The following ELMO1 variants were observed in gnomAD, a reference collection of about 807,000 sequenced individuals.
ELMO1 encodes engulfment and cell motility protein 1.
ELMO1 carries 26 observed loss-of-function variants against 98.9 expected under a neutral mutation model. That is an observed-to-expected ratio of 0.26 (90% CI 0.19 to 0.36). The LOEUF (loss-of-function observed/expected upper bound fraction) is 0.36. Among genes scored for constraint, ELMO1 ranks in the 10% least tolerant of loss-of-function variants. ELMO1 has a pLI of 1.00. For synonymous variants in ELMO1, 346 were observed against 346.0 expected, an observed-to-expected ratio of 1.00 and a Z score of 0.00; for missense variants, 627 against 935.2, an observed-to-expected ratio of 0.67 and a Z score of 4.30.
At chr7:36,982,872 AC>A (rs1193232891) in intron 16 of ELMO1, among the ~76,000 whole-genome samples, 13 of 152,128 alleles carry the variant, frequency 8.5e-5, no homozygotes, top group African/African-American at 3.1e-4. Context: ...GGATTCACAC[AC>A]CCATCCAGCT....
intron 10 of ELMO1, 98 bp downstream of exon 10, chr7:37,222,517 A>T: frequency 8.5e-7 from 1 of 1,172,066 alleles, no homozygotes; most frequent in Non-Finnish European, 1.3e-6. Context: ...AGGATAGCAG[A>T]GAGGCCCAAT....
chr7:36,898,714 T>C (rs1035970425), intron 16 of ELMO1, among the ~76,000 whole-genome samples: 8 of 152,238 alleles, frequency 5.3e-5, no homozygotes, highest in Non-Finnish European at 5.9e-5. Context: ...TCTCCCATCC[T>C]GCCTTTAACC....
At chr7:37,224,391 A>G (rs537902949) in intron 9 of ELMO1, among the ~76,000 whole-genome samples, 1 of 152,364 alleles carries the variant, frequency 6.6e-6, no homozygotes, top group East Asian at 1.9e-4. Context: ...ATTATAAAAT[A>G]CAAAAGAAGA....
intron 2 of ELMO1, among the ~76,000 whole-genome samples, chr7:37,338,831 T>C (rs1317910230): frequency 6.6e-6 from 1 of 152,176 alleles, no homozygotes; most frequent in Non-Finnish European, 1.5e-5. Flanking sequence ...GATAATTCTT[T>C]TGAGACCTTC....
rs755241179 is a variant in ELMO1, at chr7:36,894,884, T to C, written c.1571A>G (p.Asn524Ser). 12 of 1,614,052 alleles carry C rather than the reference T, an allele frequency of 7.4e-6. No homozygotes were observed. In the South Asian group the frequency reaches 1.3e-4, roughly 18 times the overall value. ...ILKIRQSERM[N>S]QEDFQSRPIL... ...CGGGCGGGACTGGAAATCTTCCTGG[T>C]TCATCCTCTCGGACTGGCGGATTTT... The change falls in exon 17 of 22, where the codon AAC (asparagine) becomes AGC (serine). Residue 524 changes from asparagine (N) to serine (S), a missense_variant. Asn to Ser is a conservative substitution (Grantham distance 46). Around this residue, in one of 3 missense-constraint regions of ELMO1, gnomAD observed 492 missense variants for 715.6 expected, o/e 0.69. Transcript: ENST00000310758.
At chr7:36,959,186 T>C (rs1788726093) in intron 16 of ELMO1, among the ~76,000 whole-genome samples, 1 of 152,078 alleles carries the variant, frequency 6.6e-6, no homozygotes, top group Admixed American at 6.6e-5. Context: ...GCCCACTCCT[T>C]GTCATCTCTA....
chr7:37,424,876 T>C (rs1460003270), intron 1 of ELMO1, among the ~76,000 whole-genome samples: 1 of 151,070 alleles, frequency 6.6e-6, no homozygotes, highest in African/African-American at 2.4e-5. Context: ...TTTTTAATAA[T>C]AATAATAATA....
At chr7:37,150,831 T>C (rs1788307634) in intron 13 of ELMO1, among the ~76,000 whole-genome samples, 1 of 152,246 alleles carries the variant, frequency 6.6e-6, no homozygotes, top group Non-Finnish European at 1.5e-5. Context: ...TAAATAAAGA[T>C]GCATCGATTT....
intron 15 of ELMO1, among the ~76,000 whole-genome samples, chr7:37,044,183 G>A (rs1455641519): frequency 6.6e-6 from 1 of 152,120 alleles, no homozygotes; most frequent in Non-Finnish European, 1.5e-5. Flanking sequence ...GGGATGGATT[G>A]ACAACTCTGT....
In ELMO1 at chr7:36,974,782, A is replaced by T. The variant is rs570040666; in HGVS notation, c.1437+38517T>A. Among the ~76,000 whole-genome samples, 4 of 152,154 alleles carry T rather than the reference A, an allele frequency of 2.6e-5. No homozygotes were observed. In the East Asian group the frequency reaches 7.7e-4, roughly 29 times the overall value. On this transcript the variant is annotated intron_variant, in intron 16 of 21. Coordinates refer to ENST00000310758, the MANE Select transcript of ELMO1 (RefSeq NM_014800.11). The stretch of plus-strand genomic sequence containing the variant: ...GCTACTGCTCACTCTTTAGGTCCAC[A>T]CTGCTTTTATGAGCTGTAACACTCA...
chr7:36,856,218 T>C (rs1488100207), intron 21 of ELMO1, among the ~76,000 whole-genome samples: 3 of 152,188 alleles, frequency 2.0e-5, no homozygotes, highest in South Asian at 2.1e-4. Context: ...TAGTAGCTCA[T>C]CTCGGCCTGT....
At chr7:37,414,879 T>C (rs2131509737) in intron 1 of ELMO1, among the ~76,000 whole-genome samples, 1 of 152,324 alleles carries the variant, frequency 6.6e-6, no homozygotes, top group African/African-American at 2.4e-5. Context: ...GGCAGGAACA[T>C]TGCAAAAACA....
chr7:37,240,723 C>T lies in ELMO1; in HGVS notation c.449+3633G>A, dbSNP rs933254495. On this transcript the variant is annotated intron_variant, in intron 7 of 21. Coordinates refer to ENST00000310758, the MANE Select transcript of ELMO1 (RefSeq NM_014800.11). The stretch of plus-strand genomic sequence containing the variant: ...TTTCATAATTTCAACTGAGTTATTC[C>T]TTGACTCTTTGATAGTATGAAAGAG... Among the ~76,000 whole-genome samples, 6 of 152,248 alleles carry T rather than the reference C, an allele frequency of 3.9e-5. No individual in the cohort carries two copies. The South Asian group carries it at 1.2e-3, about 32-fold the overall frequency.
At chr7:37,195,535 A>C (rs1195764423) in intron 13 of ELMO1, among the ~76,000 whole-genome samples, 1 of 152,224 alleles carries the variant, frequency 6.6e-6, no homozygotes, top group East Asian at 1.9e-4. Flanking sequence ...CACACCTTGG[A>C]TGCCTGTTTG....
intron 15 of ELMO1, among the ~76,000 whole-genome samples, chr7:37,067,692 T>C (rs536301136): frequency 2.0e-5 from 3 of 152,178 alleles, no homozygotes; most frequent in East Asian, 1.9e-4. Context: ...AAACTAGAAA[T>C]AGAAATTGTT....
chr7:37,071,904 G>A (rs553738838), intron 15 of ELMO1, among the ~76,000 whole-genome samples: 16 of 151,950 alleles, frequency 1.1e-4, no homozygotes, highest in African/African-American at 2.9e-4. Flanking sequence ...ACACGCACAC[G>A]TGCACACACG....
At chr7:37,406,350 T>C (rs907436910) in intron 1 of ELMO1, among the ~76,000 whole-genome samples, 1 of 151,670 alleles carries the variant, frequency 6.6e-6, no homozygotes, top group Non-Finnish European at 1.5e-5. Context: ...CTGAACTCAG[T>C]AGCCACAACA....
intron 15 of ELMO1, among the ~76,000 whole-genome samples, chr7:37,048,203 A>G (rs1400271225): frequency 1.3e-5 from 2 of 152,248 alleles, no homozygotes; most frequent in Non-Finnish European, 2.9e-5. Flanking sequence ...ACTGAATGCC[A>G]GTAGCACCCC....
intron 16 of ELMO1, among the ~76,000 whole-genome samples, chr7:36,946,103 T>C (rs905430596): frequency 1.3e-5 from 2 of 152,214 alleles, no homozygotes; most frequent in Admixed American, 1.3e-4. Context: ...CAGCTGTGCT[T>C]TTCTGCACCA....
Sources: gnomAD v4.1 joint callset for allele counts (sites outside exome capture counted in the v4.1 genomes callset) on GRCh38, gnomAD v4.1.1 for gene constraint, gnomAD v4.1.1 regional missense constraint, MANE v1.5 for transcripts, NCBI Gene and HGNC (gene_info 2026-07-23, HGNC 2026-07-21) for gene names.